The following NAALADL2 variants were observed in gnomAD, a reference collection of about 807,000 sequenced individuals.
The protein encoded by NAALADL2 is N-acetylated alpha-linked acidic dipeptidase like 2, also known as inactive N-acetylated-alpha-linked acidic dipeptidase-like protein 2.
In NAALADL2, 76 loss-of-function variants were observed where a neutral mutation model predicts 87.2. That is an observed-to-expected ratio of 0.87 (90% CI 0.72 to 1.05). NAALADL2 has a LOEUF of 1.05. Ranked by LOEUF, NAALADL2 falls within the 50% of genes least tolerant of loss-of-function variation. NAALADL2 has a pLI of 0.00. For missense variants in NAALADL2, 1,089 were observed against 945.8 expected (o/e 1.15, Z -1.99); for synonymous variants, 354 against 331.0 (o/e 1.07, Z -0.75).
chr3:175,718,761 A>T, intron 11 of NAALADL2: 1 of 919,294 alleles, frequency 1.1e-6, no homozygotes, highest in South Asian at 1.7e-5. Context: ...CTCTGTCTCT[A>T]CAAATGTATT....
chr3:175,446,517 C>T (rs1271298128), intron 5 of NAALADL2, among the ~76,000 whole-genome samples: 1 of 152,156 alleles, frequency 6.6e-6, no homozygotes, highest in African/African-American at 2.4e-5. Flanking sequence ...ACTGGGATTA[C>T]AGCCATGAAC....
intron 1 of NAALADL2, among the ~76,000 whole-genome samples, chr3:174,547,003 A>G (rs1213024039): frequency 6.6e-6 from 1 of 152,164 alleles, no homozygotes; most frequent in Non-Finnish European, 1.5e-5. Flanking sequence ...AGAGGTAAAG[A>G]TGTATTTAAC....
At chr3:174,992,179 A>T (rs1378774060) in intron 1 of NAALADL2, among the ~76,000 whole-genome samples, 1 of 151,970 alleles carries the variant, frequency 6.6e-6, no homozygotes, top group Non-Finnish European at 1.5e-5. Context: ...AGGATTTAGG[A>T]TTTTATTGTT....
intron 5 of NAALADL2, among the ~76,000 whole-genome samples, chr3:175,416,571 T>A (rs969777147): frequency 1.3e-5 from 2 of 152,154 alleles, no homozygotes; most frequent in African/African-American, 2.4e-5. Flanking sequence ...AGATCACTGA[T>A]GTTAAGTAGA....
chr3:175,013,056 T>TGTA (rs1750087029), intron 1 of NAALADL2, among the ~76,000 whole-genome samples: 2 of 119,992 alleles, frequency 1.7e-5, no homozygotes, highest in Non-Finnish European at 3.3e-5. Context: ...TACATAAATA[T>TGTA]ATACACATAT....
intron 2 of NAALADL2, among the ~76,000 whole-genome samples, chr3:174,705,592 G>A (rs937796284): frequency 3.3e-5 from 5 of 152,036 alleles, no homozygotes; most frequent in African/African-American, 1.2e-4. Context: ...AGACCATCCT[G>A]GCTAACACGG....
At chr3:174,865,689 G>A (rs1242867487) in intron 1 of NAALADL2, among the ~76,000 whole-genome samples, 1 of 151,888 alleles carries the variant, frequency 6.6e-6, no homozygotes, top group Non-Finnish European at 1.5e-5. Flanking sequence ...ACACAGGGAT[G>A]TAAATAAGAA....
At chr3:175,710,199 A>G (rs961443987) in intron 11 of NAALADL2, among the ~76,000 whole-genome samples, 2 of 152,006 alleles carry the variant, frequency 1.3e-5, no homozygotes, top group Non-Finnish European at 2.9e-5. Flanking sequence ...TCTGTTTTTG[A>G]AATGATACCA....
At chr3:174,502,323 G>C (rs1354686930) in intron 1 of NAALADL2, among the ~76,000 whole-genome samples, 2 of 152,118 alleles carry the variant, frequency 1.3e-5, no homozygotes, top group East Asian at 3.9e-4. Context: ...AAATATAACA[G>C]TTATAGTTCA....
chr3:175,548,582 A>G, intron 9 of NAALADL2, among the ~76,000 whole-genome samples: 1 of 152,020 alleles, frequency 6.6e-6, no homozygotes, highest in East Asian at 1.9e-4. Context: ...GACTTCACAG[A>G]TATCGTTGGA....
intron 2 of NAALADL2, among the ~76,000 whole-genome samples, chr3:174,679,771 A>G (rs1052863497): frequency 6.6e-6 from 1 of 152,344 alleles, no homozygotes; most frequent in Admixed American, 6.5e-5. Flanking sequence ...TTTAAAAATT[A>G]AAATAATATA....
chr3:174,585,424 G>T (rs1201387839), intron 2 of NAALADL2, among the ~76,000 whole-genome samples: 1 of 152,146 alleles, frequency 6.6e-6, no homozygotes, highest in African/African-American at 2.4e-5. Context: ...ACTTCACATG[G>T]ACGAGAGCAA....
intron 2 of NAALADL2, among the ~76,000 whole-genome samples, chr3:174,558,366 G>A (rs1713125747): frequency 6.6e-6 from 1 of 152,008 alleles, no homozygotes; most frequent in Non-Finnish European, 1.5e-5. Flanking sequence ...GATGGTTTTA[G>A]GATGATTCAA....
At chr3:175,076,254 T>G (rs1289728151) in intron 1 of NAALADL2, among the ~76,000 whole-genome samples, 1 of 150,360 alleles carries the variant, frequency 6.7e-6, no homozygotes, top group East Asian at 2.0e-4. Context: ...AAAAATGTCA[T>G]AAGAAAAGAT....
chr3:175,185,334 A>G (rs1393194970), intron 2 of NAALADL2, among the ~76,000 whole-genome samples: 1 of 152,082 alleles, frequency 6.6e-6, no homozygotes, highest in African/African-American at 2.4e-5. Flanking sequence ...CACAAGATGT[A>G]TGCAAAATAC....
chr3:175,241,919 T>TG lies in NAALADL2; in HGVS notation c.819+7719dup, dbSNP rs1323385110. Among the ~76,000 whole-genome samples, 6 of 134,204 alleles carry TG rather than the reference T, an allele frequency of 4.5e-5. No individual in the cohort carries two copies. The South Asian group carries it at 1.3e-3, about 29-fold the overall frequency. 88.0% of individuals were successfully genotyped at this position (134,204 alleles called of 152,430 possible). A position where few individuals can be genotyped will look rare whatever the true frequency, so the allele number is the denominator to read the frequency against. On this transcript the variant is annotated intron_variant, in intron 3 of 13. Transcript: ENST00000454872. ...ACTCTGTCACCAGGCTAGAGTGCAG[T>TG]GGGGAGGTCTTGGCTCACTGCAACC... is the stretch of plus-strand genomic sequence containing the variant.
At chr3:175,763,644 A>C (rs573904546) in intron 13 of NAALADL2, among the ~76,000 whole-genome samples, 4 of 152,218 alleles carry the variant, frequency 2.6e-5, no homozygotes, top group Non-Finnish European at 5.9e-5. Flanking sequence ...TGCTCCACAC[A>C]AAAATATAAT....
chr3:175,176,055 AG>A (rs1735655156), intron 2 of NAALADL2, among the ~76,000 whole-genome samples: 1 of 152,144 alleles, frequency 6.6e-6, no homozygotes, highest in African/African-American at 2.4e-5. Context: ...ATTTTTATAA[AG>A]CCCATTTTCA....
chr3:174,930,279 T>G (rs1444853263), intron 1 of NAALADL2, among the ~76,000 whole-genome samples: 2 of 152,124 alleles, frequency 1.3e-5, no homozygotes, highest in Non-Finnish European at 2.9e-5. Flanking sequence ...ATATATATTA[T>G]TCCCTGTGAT....
Sources: allele counts gnomAD v4.1 joint callset (sites outside exome capture counted in the v4.1 genomes callset), GRCh38; gene constraint gnomAD v4.1.1; transcripts MANE v1.5; gene names NCBI Gene and HGNC (gene_info 2026-07-23, HGNC 2026-07-21).